The following RAD54L2 variants were observed in gnomAD, a reference collection of about 807,000 sequenced individuals.
RAD54L2 encodes the protein helicase ARIP4.
A neutral mutation model predicts 138.4 loss-of-function variants in RAD54L2; 27 were observed. The ratio of observed to expected loss-of-function variants is 0.20; its 90% CI spans 0.14 to 0.27. The LOEUF (loss-of-function observed/expected upper bound fraction) is 0.27. Ranked by LOEUF, RAD54L2 falls within the 10% of genes least tolerant of loss-of-function variation. The pLI is 1.00. For missense variants in RAD54L2, 1,396 were observed against 1,890.2 expected (o/e 0.74, Z 4.85); for synonymous variants, 644 against 723.2 (o/e 0.89, Z 1.76).
intron 3 of RAD54L2, among the ~76,000 whole-genome samples, chr3:51,602,193 A>G (rs1700095756): frequency 6.6e-6 from 1 of 152,096 alleles, no homozygotes; most frequent in Non-Finnish European, 1.5e-5. Context: ...TTTCAATTAC[A>G]AATAAGACCA....
chr3:51,568,968 A>AT (rs891344113), intron 2 of RAD54L2, among the ~76,000 whole-genome samples: 2 of 152,218 alleles, frequency 1.3e-5, no homozygotes, highest in African/African-American at 4.8e-5. Flanking sequence ...ATCTGGAAAC[A>AT]CTGAGTCCAA....
intron 2 of RAD54L2, among the ~76,000 whole-genome samples, chr3:51,589,689 C>T (rs1699797318): frequency 1.3e-5 from 2 of 150,628 alleles, no homozygotes; most frequent in Admixed American, 6.6e-5. Context: ...TATATACACA[C>T]ACACACACAC....
chr3:51,616,495 T>A (rs186353249), intron 3 of RAD54L2, among the ~76,000 whole-genome samples: 2 of 152,192 alleles, frequency 1.3e-5, no homozygotes, highest in Non-Finnish European at 2.9e-5. Flanking sequence ...TACATGACTG[T>A]TGGTTGTATA....
At chr3:51,626,378 A>T (rs1167316848) in intron 3 of RAD54L2, among the ~76,000 whole-genome samples, 1 of 135,166 alleles carries the variant, frequency 7.4e-6, no homozygotes, top group Admixed American at 8.0e-5. Flanking sequence ...GCCTACTCCA[A>T]CCCCAGTCCT....
intron 2 of RAD54L2, among the ~76,000 whole-genome samples, chr3:51,553,242 T>C (rs1298838687): frequency 6.6e-6 from 1 of 152,104 alleles, no homozygotes; most frequent in Non-Finnish European, 1.5e-5. Context: ...CACACCCAGC[T>C]AATTTTTGTA....
chr3:51,608,355 G>A (rs1382781970), intron 3 of RAD54L2, among the ~76,000 whole-genome samples: 1 of 151,592 alleles, frequency 6.6e-6, no homozygotes, highest in Non-Finnish European at 1.5e-5. Flanking sequence ...GCGCCGCTGG[G>A]CAGAGGGGCT....
At chr3:51,600,694 C>T (rs373894409) in intron 3 of RAD54L2, among the ~76,000 whole-genome samples, 1 of 152,114 alleles carries the variant, frequency 6.6e-6, no homozygotes, top group African/African-American at 2.4e-5. Flanking sequence ...AGGCTGGGTG[C>T]GGTGGCTCAC....
Position 51,637,080 on chromosome 3 carries a change from A to T in RAD54L2, c.1340-81A>T. 8.1e-7 allele frequency: 1 copy of T among 1,229,826 alleles called. No homozygotes were observed. The allele number at this position is 1,229,826 out of a possible 1,614,324, so 76.2% of individuals were successfully genotyped here. On this transcript the variant is annotated intron_variant, in intron 10 of 22. Transcript: ENST00000684192. The surrounding 1 kb of genome is among the most constrained non-coding windows in gnomAD (Gnocchi z 5.9). ...TTCCTTCATTTCTTCTGTCTCCTCC[A>T]GGGTGCACCCCTACTTCTCATATTA... is the stretch of plus-strand genomic sequence containing the variant.
At chr3:51,643,823 G>A in intron 15 of RAD54L2, 52 bp from the exon 16 acceptor site, 1 of 1,371,914 alleles carries the variant, frequency 7.3e-7, no homozygotes, top group Non-Finnish European at 1.0e-6. Flanking sequence ...TGATTTTGCT[G>A]TATATCCTTG....
rs1226026695 is a variant in RAD54L2, at chr3:51,626,565, C to T, written c.140-988C>T. On this transcript the variant is annotated intron_variant, in intron 3 of 22. Transcript: ENST00000684192. ...GTTCAATTGATGCTCCTGCCTTAGC[C>T]TCCCGAGTAGCTGGGATTACAGGCG... Among the ~76,000 whole-genome samples, 6 of 149,490 alleles carry T rather than the reference C, an allele frequency of 4.0e-5. No individual in the cohort carries two copies. The East Asian group carries it at 1.2e-3, about 30-fold the overall frequency.
At chr3:51,606,832 G>A (rs998974043) in intron 3 of RAD54L2, among the ~76,000 whole-genome samples, 3 of 151,638 alleles carry the variant, frequency 2.0e-5, no homozygotes, top group African/African-American at 4.8e-5. Context: ...ACAGGCGCCT[G>A]CCACACACCT....
rs1016842377 is a variant in RAD54L2 at position 51,638,160 on chromosome 3, C to T, written c.1699C>T (p.Leu567=). The part of the protein sequence containing the change: ...GFVQRRGHTV[L]KIHLPAKEEN... ...CCTCCATAGGAGAGGCCACACTGTGCTGAAGATTCATCTCCCTGCCAAGGA... is the reference window on the plus strand; with the variant it reads ...CCTCCATAGGAGAGGCCACACTGTGTTGAAGATTCATCTCCCTGCCAAGGA... Residue 567 remains leucine (L), a synonymous_variant, in exon 12 of 23, where the codon CTG becomes TTG. Coordinates refer to ENST00000684192, the MANE Select transcript of RAD54L2 (RefSeq NM_015106.4). The surrounding 1 kb of genome is among the most constrained non-coding windows in gnomAD (Gnocchi z 4.3). 5 of 1,613,936 alleles carry T rather than the reference C, an allele frequency of 3.1e-6. No individual in the cohort carries two copies. The highest frequency in any genetic ancestry group is 4.2e-6 in the Non-Finnish European group (5 of 1,179,860).
chr3:51,655,082 T>C (rs924167828), intron 19 of RAD54L2, among the ~76,000 whole-genome samples: 4 of 152,140 alleles, frequency 2.6e-5, no homozygotes, highest in Non-Finnish European at 5.9e-5. Context: ...AAAGGGGCCT[T>C]TAAAAACCTA....
intron 3 of RAD54L2, among the ~76,000 whole-genome samples, chr3:51,607,242 G>A (rs1317457289): frequency 6.6e-6 from 1 of 151,858 alleles, no homozygotes; most frequent in African/African-American, 2.4e-5. Context: ...TTCCTAGGCA[G>A]AGGGCCCTGC....
chr3:51,626,436 C>CTGTTTTTTTTTTTTTTT (rs1700686770), intron 3 of RAD54L2, among the ~76,000 whole-genome samples: 1 of 39,392 alleles, frequency 2.5e-5, no homozygotes, highest in Admixed American at 5.0e-4. Context: ...CCCCAACGAT[C>CTGTTTTTTTTTTTTTTT]TTTTTTTTTT....
intron 2 of RAD54L2, among the ~76,000 whole-genome samples, chr3:51,549,593 C>T (rs779000606): frequency 6.6e-6 from 1 of 151,950 alleles, no homozygotes; most frequent in East Asian, 1.9e-4. Context: ...GCCTGGCCAA[C>T]GTGGTGAAAC....
intron 2 of RAD54L2, among the ~76,000 whole-genome samples, chr3:51,569,341 G>T (rs1699285215): frequency 6.6e-6 from 1 of 151,858 alleles, no homozygotes; most frequent in South Asian, 2.1e-4. Flanking sequence ...TTCACAAAAT[G>T]ATGCATACTT....
intron 12 of RAD54L2, 89 bp from the exon 13 acceptor site, chr3:51,639,330 G>C: frequency 6.8e-7 from 1 of 1,472,674 alleles, no homozygotes; most frequent in Non-Finnish European, 9.3e-7. Context: ...GGACGTGTGT[G>C]TTTGAGCAAG....
chr3:51,657,898 A>C (rs1044606541), intron 21 of RAD54L2, among the ~76,000 whole-genome samples: 11 of 130,288 alleles, frequency 8.4e-5, no homozygotes, highest in Non-Finnish European at 1.6e-4. Flanking sequence ...GGGTCCCTAC[A>C]TTTCTCTATC....
Sources: gnomAD v4.1 joint callset for allele counts (sites outside exome capture counted in the v4.1 genomes callset) on GRCh38, gnomAD v4.1.1 for gene constraint, Gnocchi (gnomAD v3.1) non-coding constraint, MANE v1.5 for transcripts, NCBI Gene and HGNC (gene_info 2026-07-23, HGNC 2026-07-21) for gene names.